HECW1: variants seen among roughly 807,000 people sequenced by gnomAD.
The protein encoded by HECW1 is E3 ubiquitin-protein ligase HECW1.
A neutral mutation model predicts 182.3 loss-of-function variants in HECW1; 61 were observed. That is an observed-to-expected ratio of 0.33 (90% CI 0.27 to 0.41). The LOEUF is 0.41. HECW1 is among the 10% of genes least tolerant of loss of function. The probability of loss-of-function intolerance (pLI) is 1.00; values close to 1 mark genes in which losing one functional copy is unlikely to be tolerated. For missense variants in HECW1, 1,739 were observed against 2,108.9 expected (o/e 0.82, Z 3.44); for synonymous variants, 859 against 832.6 (o/e 1.03, Z -0.55).
intron 2 of HECW1, among the ~76,000 whole-genome samples, chr7:43,184,553 G>A (rs11766054): frequency 0.24 from 36,673 of 152,086 alleles, 4,621 homozygotes; most frequent in Middle Eastern, 0.27. Context: ...TCCCTAGATA[G>A]CTTCAGGATA....
chr7:43,278,003 C>G (rs936746045), intron 3 of HECW1, among the ~76,000 whole-genome samples: 3 of 152,106 alleles, frequency 2.0e-5, no homozygotes, highest in Non-Finnish European at 4.4e-5. Context: ...GGGCTCAGAC[C>G]TGGCCCTCTC....
chr7:43,165,085 G>A (rs1790961623), intron 2 of HECW1, among the ~76,000 whole-genome samples: 1 of 152,074 alleles, frequency 6.6e-6, no homozygotes, highest in Non-Finnish European at 1.5e-5. Flanking sequence ...CTTGAAATTT[G>A]GTTTCAATAG....
At chr7:43,265,475 A>C (rs956095098) in intron 3 of HECW1, among the ~76,000 whole-genome samples, 2 of 152,210 alleles carry the variant, frequency 1.3e-5, no homozygotes, top group Non-Finnish European at 2.9e-5. Flanking sequence ...AGATAACATA[A>C]GTTTATGTTG....
intron 2 of HECW1, among the ~76,000 whole-genome samples, chr7:43,134,100 AT>A (rs1562581462): frequency 6.6e-6 from 1 of 152,150 alleles, no homozygotes; most frequent in Non-Finnish European, 1.5e-5. Flanking sequence ...TCATTCTTAA[AT>A]TTTAAGAATA....
chr7:43,112,961 ACT>A, intron 1 of HECW1, 24 bp downstream of exon 1: 1 of 208,362 alleles, frequency 4.8e-6, no homozygotes. Flanking sequence ...GCGCGGGGAC[ACT>A]GTCTGCCGCC....
chr7:43,561,752 C>T (rs2082214716), intron 29 of HECW1, 63 bp from the exon 30 acceptor site: 1 of 1,141,998 alleles, frequency 8.8e-7, no homozygotes, highest in South Asian at 1.3e-5. Flanking sequence ...CAGACAGTCA[C>T]AGATCCAGAA....
intron 24 of HECW1, among the ~76,000 whole-genome samples, chr7:43,539,851 T>G (rs941918925): frequency 6.6e-6 from 1 of 152,170 alleles, no homozygotes; most frequent in Non-Finnish European, 1.5e-5. Context: ...ATAACTGTTT[T>G]TATACACAGG....
chr7:43,330,873 C>T (rs570062188), intron 5 of HECW1, among the ~76,000 whole-genome samples: 2 of 152,082 alleles, frequency 1.3e-5, no homozygotes, highest in South Asian at 4.2e-4. Flanking sequence ...AAAGAAGAGG[C>T]CAGGGGAATA....
At chr7:43,447,263 G>A (rs1262240170) in intron 11 of HECW1, among the ~76,000 whole-genome samples, 1 of 151,522 alleles carries the variant, frequency 6.6e-6, no homozygotes, top group Non-Finnish European at 1.5e-5. Flanking sequence ...CCCCATGTTG[G>A]GAGATAATCT....
chr7:43,429,331 T>C (rs111240926), intron 8 of HECW1, among the ~76,000 whole-genome samples: 1,026 of 92,748 alleles, frequency 0.011, 12 homozygotes, highest in Non-Finnish European at 0.019. Context: ...TATATATATA[T>C]ATATACATAT....
At chr7:43,238,631 C>T (rs571432850) in intron 2 of HECW1, among the ~76,000 whole-genome samples, 2 of 152,074 alleles carry the variant, frequency 1.3e-5, no homozygotes, top group African/African-American at 4.8e-5. Context: ...GTCATTGTTT[C>T]GCCGTATGGA....
rs143905779 is a variant in HECW1, at chr7:43,335,299, A to G, written c.460+14557A>G. 6.5e-4 allele frequency among the ~76,000 whole-genome samples: 99 copies of G among 152,384 alleles called. 2 individuals carry two copies. The East Asian group carries it at 0.016, about 25-fold the overall frequency. Reference sequence around the variant, plus strand: ...CAATATAAAAAATTAATATTCAAATATCAGAACCAGTTAAATGGAAGTCTA... The same window carrying G: ...CAATATAAAAAATTAATATTCAAATGTCAGAACCAGTTAAATGGAAGTCTA... On this transcript the variant is annotated intron_variant, in intron 5 of 29. Coordinates refer to ENST00000395891, the MANE Select transcript of HECW1 (RefSeq NM_015052.5).
chr7:43,289,870 G>T (rs1231994726), intron 3 of HECW1, among the ~76,000 whole-genome samples: 1 of 152,186 alleles, frequency 6.6e-6, no homozygotes, highest in African/African-American at 2.4e-5. Flanking sequence ...TCTTGAAGTG[G>T]GGGCTTGCAA....
chr7:43,368,151 A>G (rs1816870349), intron 6 of HECW1, among the ~76,000 whole-genome samples: 1 of 152,216 alleles, frequency 6.6e-6, no homozygotes, highest in Admixed American at 6.5e-5. Flanking sequence ...CATGCTCATC[A>G]AGCCACCTGC....
intron 3 of HECW1, among the ~76,000 whole-genome samples, chr7:43,256,996 C>G (rs1800652649): frequency 6.6e-6 from 1 of 152,176 alleles, no homozygotes; most frequent in African/African-American, 2.4e-5. Context: ...AAAATGCCCA[C>G]TCTCTCTCCG....
At chr7:43,538,770 C>G (rs2081266937) in intron 24 of HECW1, among the ~76,000 whole-genome samples, 1 of 152,176 alleles carries the variant, frequency 6.6e-6, no homozygotes, top group Non-Finnish European at 1.5e-5. Flanking sequence ...GTGCCCTTTA[C>G]CCAGTAGGCA....
intron 3 of HECW1, among the ~76,000 whole-genome samples, chr7:43,251,504 T>TG (rs1419658542): frequency 6.6e-6 from 1 of 152,068 alleles, no homozygotes; most frequent in East Asian, 1.9e-4. Flanking sequence ...TTAATAGAGA[T>TG]GGGGTTTCAC....
At chr7:43,275,908 T>C (rs1161452662) in intron 3 of HECW1, among the ~76,000 whole-genome samples, 2 of 152,230 alleles carry the variant, frequency 1.3e-5, no homozygotes, top group Non-Finnish European at 1.5e-5. Flanking sequence ...TCAGCTCTTA[T>C]TGAATTTTCT....
Position 43,243,893 on chromosome 7 carries a change from G to A in HECW1, c.-13G>A, listed in dbSNP as rs1317554550. 3.7e-6 allele frequency: 6 copies of A among 1,613,592 alleles called. No individual in the cohort carries two copies. The highest frequency in any genetic ancestry group is 2.2e-5 in the East Asian group (1 of 44,864). On this transcript the variant is annotated 5_prime_UTR_variant, in exon 3 of 30. It adds an upstream start codon to the 5' untranslated region. Transcript: ENST00000395891. This position sits in a 1 kb window ranked among gnomAD's most constrained non-coding sequence, Gnocchi z 4.0. ...TCCCCAGGAATTGATGCGCGTACAC[G>A]TGGTGGGTCATTATGCTGCTGCACC...
Sources: gnomAD v4.1 joint callset for allele counts (sites outside exome capture counted in the v4.1 genomes callset) on GRCh38, gnomAD v4.1.1 for gene constraint, Gnocchi (gnomAD v3.1) non-coding constraint, MANE v1.5 for transcripts, NCBI Gene and HGNC (gene_info 2026-07-23, HGNC 2026-07-21) for gene names.